The following PIK3R2 variants were observed in gnomAD, a reference collection of about 807,000 sequenced individuals.
The protein encoded by PIK3R2 is phosphoinositide-3-kinase regulatory subunit 2, also known as phosphatidylinositol 3-kinase regulatory subunit beta.
PIK3R2 carries 40 observed loss-of-function variants against 78.5 expected under a neutral mutation model. The observed-to-expected ratio is 0.51, with a 90% confidence interval of 0.40 to 0.66. The LOEUF (loss-of-function observed/expected upper bound fraction) is 0.66. Ranked by LOEUF, PIK3R2 falls within the 30% of genes least tolerant of loss-of-function variation. The pLI, the probability that PIK3R2 is intolerant of heterozygous loss-of-function variation, is 0.00. For synonymous variants in PIK3R2, 473 were observed against 457.7 expected, an observed-to-expected ratio of 1.03 and a Z score of -0.43; for missense variants, 880 against 1,026.6, an observed-to-expected ratio of 0.86 and a Z score of 1.95.
chr19:18,169,930 C>T lies in PIK3R2; in HGVS notation c.*636C>T, dbSNP rs553289165. On this transcript the variant is annotated 3_prime_UTR_variant, in exon 16 of 16. Transcript: ENST00000222254. ...CGAAAAAATAATTAAACTCGCAGGC[C>T]AGGCACGGTGGCTCATGCCTGTAAT... 34 of 187,834 alleles carry T rather than the reference C, an allele frequency of 1.8e-4. No homozygotes were observed. Among genetic ancestry groups the T allele is most frequent in the African/African-American group, 7.7e-4 (33 of 42,878 alleles). The allele number at this position is 187,834 out of a possible 1,614,324, so 11.6% of individuals were successfully genotyped here.
Position 18,161,298 on chromosome 19 carries a change from G to C in PIK3R2, c.618G>C (p.Gly206=). 1 of 1,383,746 alleles carries C rather than the reference G, an allele frequency of 7.2e-7. No individual in the cohort carries two copies. 85.7% of individuals were successfully genotyped at this position (1,383,746 alleles called of 1,614,324 possible). The stretch of plus-strand genomic sequence containing the variant: ...CCGCAGAGGCCGCGGGGCCCGTGGG[G>C]CCGGCGCTGGAGCCACCGACGCTGC... The part of the protein sequence containing the change: ...RALREAAGPV[G]PALEPPTLPL... The change falls in exon 6 of 16, where the codon GGG becomes GGC. Residue 206 remains glycine (G), a synonymous_variant. Coordinates refer to ENST00000222254, the MANE Select transcript of PIK3R2 (RefSeq NM_005027.4). This position sits in a 1 kb window ranked among gnomAD's most constrained non-coding sequence, Gnocchi z 5.3.
rs1308748759 is a variant in PIK3R2, at chr19:18,155,913, C to G, written c.34C>G (p.Leu12Val). The G allele has an allele frequency of 1.3e-6, 2 of 1,564,974 alleles. No homozygotes were observed. The highest frequency in any genetic ancestry group is 2.4e-5 in the East Asian group (1 of 41,978). ...AGPEGFQYRA[L>V]YPFRRERPED... ...CCCTGAGGGCTTCCAGTACCGCGCT[C>G]TGTACCCGTTCCGCCGGGAGCGGCC... Residue 12 changes from leucine to valine, a missense_variant, in exon 2 of 16, where the codon CTG (leucine) becomes GTG (valine). Coordinates refer to ENST00000222254, the MANE Select transcript of PIK3R2 (RefSeq NM_005027.4).
chr19:18,160,435 C>T, intron 2 of PIK3R2, 36 bp from the exon 3 acceptor site: 1 of 1,280,296 alleles, frequency 7.8e-7, no homozygotes, highest in Non-Finnish European at 1.1e-6. Flanking sequence ...TTCCAGGAAC[C>T]CCACCAACAT....
rs942000292 is a variant in PIK3R2 at position 18,163,480 on chromosome 19, A to G, written c.1416+92A>G. The G allele has an allele frequency of 7.4e-5, 103 of 1,387,874 alleles. No individual in the cohort carries two copies. The South Asian group carries it at 7.6e-4, about 10-fold the overall frequency. 86.0% of individuals were successfully genotyped at this position (1,387,874 alleles called of 1,614,324 possible). Reference sequence around the variant, plus strand: ...ATGACCAACCCCAGAGGACTTGAGGATGAATATCCAGTTGCAGGTCACAGA... The same window carrying G: ...ATGACCAACCCCAGAGGACTTGAGGGTGAATATCCAGTTGCAGGTCACAGA... On this transcript the variant is annotated intron_variant, in intron 11 of 15. Coordinates refer to ENST00000222254, the MANE Select transcript of PIK3R2 (RefSeq NM_005027.4).
In PIK3R2 at chr19:18,167,624, C is replaced by T. The variant is rs2043823013; in HGVS notation, c.1736+318C>T. Among the ~76,000 whole-genome samples the T allele has an allele frequency of 2.0e-5, 3 of 151,998 alleles. No individual in the cohort carries two copies. The highest frequency in any genetic ancestry group is 2.9e-5 in the Non-Finnish European group (2 of 67,994). Reference sequence around the variant, plus strand: ...ATCCCAGCACTTTGGGAGGCTGAGGCGGGCAGATGGATCACTTGAGGCCAG... The same window carrying T: ...ATCCCAGCACTTTGGGAGGCTGAGGTGGGCAGATGGATCACTTGAGGCCAG... On this transcript the variant is annotated intron_variant, in intron 13 of 15. Transcript: ENST00000222254. The surrounding 1 kb of genome is among the most constrained non-coding windows in gnomAD (Gnocchi z 4.5).
intron 2 of PIK3R2, among the ~76,000 whole-genome samples, chr19:18,159,323 G>A (rs1034620468): frequency 6.6e-5 from 10 of 151,710 alleles, no homozygotes; most frequent in African/African-American, 2.2e-4. Flanking sequence ...TGTTTCTGGA[G>A]GCTGGAAGTC....
intron 3 of PIK3R2, 89 bp from the exon 4 acceptor site, chr19:18,160,830 A>C: frequency 2.1e-5 from 28 of 1,327,570 alleles, no homozygotes; most frequent in Non-Finnish European, 2.6e-5. Flanking sequence ...CAGCAAAGGG[A>C]GACTGCAGGG....
At position 18,155,777 on chromosome 19, in the gene PIK3R2, C is replaced by T; in HGVS notation, c.-103C>T. 9.0e-7 allele frequency: 1 copy of T among 1,112,772 alleles called. No individual in the cohort carries two copies. The highest frequency in any genetic ancestry group is 1.2e-6 in the Non-Finnish European group (1 of 805,876). 68.9% of individuals were successfully genotyped at this position (1,112,772 alleles called of 1,614,324 possible). On this transcript the variant is annotated 5_prime_UTR_variant, in exon 2 of 16. Coordinates refer to ENST00000222254, the MANE Select transcript of PIK3R2 (RefSeq NM_005027.4). ...GCTGGAGATAGAGGTCCCAGCACCC[C>T]AAGCCAACCCAGCGGACCCTCCCAG... is the stretch of plus-strand genomic sequence containing the variant.
At chr19:18,163,803 CAG>C (rs2043778305) in intron 11 of PIK3R2, among the ~76,000 whole-genome samples, 2 of 147,044 alleles carry the variant, frequency 1.4e-5, no homozygotes, top group Non-Finnish European at 1.5e-5. Context: ...GCCTGGGTGA[CAG>C]GGCACGACCT....
rs1321931050 is a variant in PIK3R2, at chr19:18,169,259, G to T, written c.2152G>T (p.Ala718Ser). The T allele has an allele frequency of 2.0e-6, 3 of 1,536,532 alleles. No homozygotes were observed. The highest frequency in any genetic ancestry group is 2.0e-5 in the Admixed American group (1 of 50,694). The change falls in exon 16 of 16, where the codon GCC (alanine) becomes TCC (serine). Residue 718 changes from alanine (A) to serine (S), a missense_variant. This residue lies in a region of PIK3R2 where 268 missense variants were observed against 299.1 expected (regional missense o/e 0.90). Coordinates refer to ENST00000222254, the MANE Select transcript of PIK3R2 (RefSeq NM_005027.4). ...LTVTLAHPVR[A>S]PGPGPPPAAR The stretch of plus-strand genomic sequence containing the variant: ...CGTCACCCTGGCGCACCCAGTGCGC[G>T]CCCCGGGCCCCGGCCCGCCGCCTGC...
At chr19:18,165,362 C>CA (rs33933785) in intron 11 of PIK3R2, among the ~76,000 whole-genome samples, 1,771 of 80,978 alleles carry the variant, frequency 0.022, 79 homozygotes, top group Middle Eastern at 0.037. Flanking sequence ...GACTCCGTCT[C>CA]AAAAAAAAAA....
Position 18,161,755 on chromosome 19 carries a change from C to G in PIK3R2, c.816-211C>G, listed in dbSNP as rs754512868. 2.6e-5 allele frequency among the ~76,000 whole-genome samples: 4 copies of G among 152,190 alleles called. No individual in the cohort carries two copies. The highest frequency in any genetic ancestry group is 5.9e-5 in the Non-Finnish European group (4 of 68,024). ...CGTCGCAGCTCCGGTACTGGTCTCT[C>G]GCTCGCCTTTGTGTGAGAATCTATG... On this transcript the variant is annotated intron_variant, in intron 6 of 15. Transcript: ENST00000222254. This position sits in a 1 kb window ranked among gnomAD's most constrained non-coding sequence, Gnocchi z 5.3.
In PIK3R2 at chr19:18,160,528, T is replaced by C. The variant is rs920139065; in HGVS notation, c.380T>C (p.Leu127Pro). ...QFSPPDVAPP[L>P]LVKLVEAIER... Reference sequence around the variant, plus strand: ...TCCCCACCTGATGTGGCTCCCCCTCTTCTGGTGAAGCTTGTGGAGGCCATT... The same window carrying C: ...TCCCCACCTGATGTGGCTCCCCCTCCTCTGGTGAAGCTTGTGGAGGCCATT... The change falls in exon 3 of 16, where the codon CTT becomes CCT. Residue 127 changes from leucine (L) to proline (P), a missense_variant. Around this residue, in one of 3 missense-constraint regions of PIK3R2, gnomAD observed 456 missense variants for 486.6 expected, o/e 0.94. Transcript: ENST00000222254. 10 of 1,613,876 alleles carry C rather than the reference T, an allele frequency of 6.2e-6. No homozygotes were observed. The highest frequency in any genetic ancestry group is 5.0e-5 in the Admixed American group (3 of 60,010).
At chr19:18,166,103 C>G in intron 11 of PIK3R2, 57 bp from the exon 12 acceptor site, 3 of 1,610,932 alleles carry the variant, frequency 1.9e-6, no homozygotes, top group Non-Finnish European at 2.5e-6. Context: ...GCCTTTACCC[C>G]TCACGAGGGC....
rs1298887474 is a variant in PIK3R2, at chr19:18,161,340, C to T, written c.660C>T (p.Leu220=). ...EPPTLPLHRA[L]TLRFLLQHLG... ...CGACGCTGCCGCTGCACCGCGCGCTCACGCTGCGCTTCCTGCTCCAGCACC... is the reference window on the plus strand; with the variant it reads ...CGACGCTGCCGCTGCACCGCGCGCTTACGCTGCGCTTCCTGCTCCAGCACC... Residue 220 remains leucine (L), a synonymous_variant, in exon 6 of 16, where the codon CTC becomes CTT. Transcript: ENST00000222254. The surrounding 1 kb of genome is among the most constrained non-coding windows in gnomAD (Gnocchi z 5.3). 8 of 1,325,330 alleles carry T rather than the reference C, an allele frequency of 6.0e-6. No homozygotes were observed. The East Asian group carries it at 2.2e-4, about 37-fold the overall frequency. The allele number at this position is 1,325,330 out of a possible 1,614,324, so 82.1% of individuals were successfully genotyped here. A position where few individuals can be genotyped will look rare whatever the true frequency, so the allele number is the denominator to read the frequency against.
Position 18,160,429 on chromosome 19 carries a change from A to G in PIK3R2, c.323-42A>G, listed in dbSNP as rs748344077. 7.4e-6 allele frequency: 9 copies of G among 1,212,740 alleles called. No individual in the cohort carries two copies. The African/African-American group carries it at 1.3e-4, about 18-fold the overall frequency. 75.1% of individuals were successfully genotyped at this position (1,212,740 alleles called of 1,614,324 possible). A position where few individuals can be genotyped will look rare whatever the true frequency, so the allele number is the denominator to read the frequency against. On this transcript the variant is annotated intron_variant, in intron 2 of 15. Transcript: ENST00000222254. ...CAAAGAGAGGGGCTGGGCTCCTTCC[A>G]GGAACCCCACCAACATGCAACCCCC...
Position 18,162,412 on chromosome 19 carries a change from G to A in PIK3R2, c.1015G>A (p.Glu339Lys). The A allele has an allele frequency of 6.2e-7, 1 of 1,613,396 alleles. No homozygotes were observed. Among genetic ancestry groups the A allele is most frequent in the Non-Finnish European group, 8.5e-7 (1 of 1,179,848 alleles). ...EWYWGDISRE[E>K]VNEKLRDTPD... ...CAATGTTGGATGTTCCCACAGGGAG[G>A]AGGTGAACGAGAAACTCCGGGACAC... Residue 339 changes from glutamate (E) to lysine (K), a missense_variant, in exon 9 of 16, where the codon GAG becomes AAG. Transcript: ENST00000222254.
chr19:18,158,709 C>G (rs561801552), intron 2 of PIK3R2, among the ~76,000 whole-genome samples: 3 of 152,256 alleles, frequency 2.0e-5, no homozygotes, highest in South Asian at 2.1e-4. Context: ...GGTCCTGTGG[C>G]CAAGATTGCA....
At chr19:18,166,721 A>G (rs1012987745) in intron 12 of PIK3R2, among the ~76,000 whole-genome samples, 2 of 151,544 alleles carry the variant, frequency 1.3e-5, no homozygotes, top group African/African-American at 4.8e-5. Flanking sequence ...AAAAAAAAAA[A>G]AAAAGAAATG....
Sources: allele counts gnomAD v4.1 joint callset (sites outside exome capture counted in the v4.1 genomes callset), GRCh38; gene constraint gnomAD v4.1.1; regional missense constraint gnomAD v4.1.1; non-coding constraint Gnocchi (gnomAD v3.1); transcripts MANE v1.5; gene names NCBI Gene and HGNC (gene_info 2026-07-23, HGNC 2026-07-21).